NEMF: variants seen among roughly 807,000 people sequenced by gnomAD.
NEMF encodes the protein nuclear export mediator factor, also known as ribosome quality control complex subunit NEMF.
A neutral mutation model predicts 162.2 loss-of-function variants in NEMF; 89 were observed. The observed-to-expected ratio is 0.55, with a 90% CI of 0.46 to 0.65. NEMF has a LOEUF of 0.65. Ranked by LOEUF, NEMF falls within the 30% of genes least tolerant of loss-of-function variation. NEMF has a pLI of 0.00. For synonymous variants in NEMF, 421 were observed against 404.5 expected (o/e 1.04, Z -0.49); for missense variants, 1,133 against 1,261.9 (o/e 0.90, Z 1.55).
In NEMF at chr14:49,825,882, G is replaced by A. The variant is rs140163252; in HGVS notation, c.1562C>T (p.Ala521Val). ...EVQTVTSIQK[A>V]RKVYWFEKFL... ...GAACACTTACCAATATACTTTTCTT[G>A]CTTTTTGAATAGAGGTAACAGTCTG... Residue 521 changes from alanine to valine, a missense_variant, in exon 16 of 33, where the codon GCA becomes GTA. This residue lies in a region of NEMF where 582 missense variants were observed against 631.5 expected (regional missense o/e 0.92). Coordinates refer to ENST00000298310, the MANE Select transcript of NEMF (RefSeq NM_004713.6). The A allele has an allele frequency of 3.7e-6, 6 of 1,601,520 alleles. No homozygotes were observed. In the African/African-American group the frequency reaches 8.0e-5, roughly 21 times the overall value.
rs375232971 is a variant in NEMF at position 49,801,494 on chromosome 14, A to T, written c.2096-798T>A. ...AGACTGAGACTCCCTCTCGGGGGGA[A>T]AAAAAAAAAGAAAAGAATGTAAATA... is the stretch of plus-strand genomic sequence containing the variant. On this transcript the variant is annotated intron_variant, in intron 22 of 32. Transcript: ENST00000298310. 2.7e-4 allele frequency: 5 copies of T among 18,310 alleles called. No homozygotes were observed. In the Admixed American group the frequency reaches 3.2e-3, roughly 12 times the overall value. 1.1% of individuals were successfully genotyped at this position (18,310 alleles called of 1,614,324 possible).
Position 49,828,938 on chromosome 14 carries a change from T to C in NEMF, c.1232+116A>G, listed in dbSNP as rs916393525. On this transcript the variant is annotated intron_variant, in intron 13 of 32. Coordinates refer to ENST00000298310, the MANE Select transcript of NEMF (RefSeq NM_004713.6). ...CATTATTTATTTTAATCTAAATTAG[T>C]TTTTTCCCTTTCTTTGAGAATTTCA... The C allele has an allele frequency of 6.9e-6, 9 of 1,309,140 alleles. No individual in the cohort carries two copies. The African/African-American group carries it at 1.4e-4, about 20-fold the overall frequency. The allele number at this position is 1,309,140 out of a possible 1,614,324, so 81.1% of individuals were successfully genotyped here.
intron 5 of NEMF, chr14:49,839,423 G>C (rs1893083434): frequency 1.3e-5 from 2 of 152,192 alleles, no homozygotes; most frequent in Admixed American, 1.3e-4. Flanking sequence ...AAGTGAAGCA[G>C]TGGGAGTGGA....
At position 49,789,204 on chromosome 14, in the gene NEMF, A is replaced by G. The variant is rs1430643637; in HGVS notation, c.2837T>C (p.Leu946Pro). 1.1e-5 allele frequency: 17 copies of G among 1,614,024 alleles called. No homozygotes were observed. The highest frequency in any genetic ancestry group is 1.4e-5 in the Non-Finnish European group (16 of 1,179,998). The change falls in exon 28 of 33, where the codon CTT (leucine) becomes CCT (proline). Residue 946 changes from leucine (L) to proline (P), a missense_variant. By Grantham distance (98) the Leu-to-Pro change is moderately conservative (BLOSUM62 -3). Transcript: ENST00000298310. The part of the protein sequence containing the change: ...SDNIKKETPF[L>P]EVITHELQDF... The stretch of plus-strand genomic sequence containing the variant: ...TTGTAACTCATGAGTTATAACCTCA[A>G]GGAACGGAGTTTCTTTCTTAATGTT...
rs910039028 is a variant in NEMF at position 49,800,596 on chromosome 14, C to G, written c.2196G>C (p.Gln732His). 1.9e-6 allele frequency: 3 copies of G among 1,613,968 alleles called. No homozygotes were observed. The highest frequency in any genetic ancestry group is 1.7e-6 in the Non-Finnish European group (2 of 1,179,952). Residue 732 changes from glutamine to histidine, a missense_variant, in exon 23 of 33, where the codon CAG (glutamine) becomes CAC (histidine). By Grantham distance (24) the Gln-to-His change is conservative. Transcript: ENST00000298310. ...CCTCATTTAGTTCATCTCTGCCACT[C>G]TGAAGAGTGATATCCTCTTGGTCAA... ...TQVDQEDITL[Q>H]SGRDELNEEL...
At chr14:49,842,954 C>T (rs997882350) in intron 4 of NEMF, among the ~76,000 whole-genome samples, 21 of 150,340 alleles carry the variant, frequency 1.4e-4, no homozygotes, top group African/African-American at 4.9e-4. Context: ...TGCAGTGAGC[C>T]AAGATCACAC....
intron 4 of NEMF, among the ~76,000 whole-genome samples, chr14:49,843,982 C>T (rs371012940): frequency 1.5e-4 from 23 of 151,930 alleles, no homozygotes; most frequent in South Asian, 1.2e-3. Context: ...GCCAGTAATA[C>T]CAGCTACTCA....
Position 49,851,867 on chromosome 14 carries a change from C to A in NEMF, c.68G>T (p.Gly23Val). Residue 23 changes from glycine to valine, a missense_variant, in exon 2 of 33, where the codon GGA becomes GTA. Gly to Val is a moderately radical substitution (Grantham distance 109, BLOSUM62 -3). This residue lies in a region of NEMF where 582 missense variants were observed against 631.5 expected (regional missense o/e 0.92). Coordinates refer to ENST00000298310, the MANE Select transcript of NEMF (RefSeq NM_004713.6). The stretch of plus-strand genomic sequence containing the variant: ...ATCATAAACATTGTTTACTCTCATT[C>A]CTAGCAAGCTGCAAAGATAAAGGAA... ...VLAELNASLL[G>V]MRVNNVYDVD... is the part of the protein sequence containing the mutation. 1 of 1,576,582 alleles carries A rather than the reference C, an allele frequency of 6.3e-7. No individual in the cohort carries two copies. Among genetic ancestry groups the A allele is most frequent in the South Asian group, 1.2e-5 (1 of 86,870 alleles).
intron 25 of NEMF, 40 bp from the exon 26 acceptor site, chr14:49,795,984 T>A: frequency 1.9e-6 from 3 of 1,544,180 alleles, no homozygotes; most frequent in Non-Finnish European, 2.6e-6. Flanking sequence ...TTCTTAGAAT[T>A]TGAAATTCTT....
At chr14:49,828,378 A>C (rs775309230) in intron 14 of NEMF, 24 bp from the exon 15 acceptor site, 10 of 1,408,650 alleles carry the variant, frequency 7.1e-6, no homozygotes, top group Non-Finnish European at 9.9e-6. Flanking sequence ...TTTCTCTTAA[A>C]TTTTAAGTAT....
intron 16 of NEMF, among the ~76,000 whole-genome samples, chr14:49,817,920 A>C (rs1949639582): frequency 6.6e-6 from 1 of 152,180 alleles, no homozygotes; most frequent in Non-Finnish European, 1.5e-5. Context: ...TTGTTTTATG[A>C]GGCAATATGA....
intron 8 of NEMF, 62 bp downstream of exon 8, chr14:49,833,361 C>A (rs1382610673): frequency 3.1e-6 from 3 of 969,078 alleles, no homozygotes; most frequent in African/African-American, 3.3e-5. Flanking sequence ...CTTTAATGAA[C>A]GTTTAATTTC....
At chr14:49,787,362 A>T (rs1809845444) in intron 28 of NEMF, among the ~76,000 whole-genome samples, 1 of 152,226 alleles carries the variant, frequency 6.6e-6, no homozygotes, top group South Asian at 2.1e-4. Flanking sequence ...GCACCAGCAG[A>T]TTCAATGTCT....
chr14:49,834,328 A>G (rs1892791839), intron 7 of NEMF, 35 bp downstream of exon 7: 2 of 1,425,578 alleles, frequency 1.4e-6, no homozygotes, highest in Admixed American at 1.9e-5. Context: ...TTTAAAAAAA[A>G]TGAAATAAAT....
chr14:49,845,969 A>C (rs1047889864), intron 4 of NEMF, 171 bp downstream of exon 4: 2 of 566,888 alleles, frequency 3.5e-6, no homozygotes, highest in Non-Finnish European at 6.1e-6. Flanking sequence ...CTACAGATAA[A>C]ATGAAGGTTA....
Position 49,802,435 on chromosome 14 carries a change from T to A in NEMF, c.2095+18A>T. 1 of 1,609,794 alleles carries A rather than the reference T, an allele frequency of 6.2e-7. No homozygotes were observed. Among genetic ancestry groups the A allele is most frequent in the Middle Eastern group, 1.7e-4 (1 of 6,050 alleles). On this transcript the variant is annotated intron_variant, in intron 22 of 32. Coordinates refer to ENST00000298310, the MANE Select transcript of NEMF (RefSeq NM_004713.6). The stretch of plus-strand genomic sequence containing the variant: ...ACAAAAAACATCACAAGCTAATTTC[T>A]TAAAATCTATAAACTACCTAATTGT...
At chr14:49,785,598 A>G in intron 29 of NEMF, 1 of 351,178 alleles carries the variant, frequency 2.8e-6, no homozygotes, top group Non-Finnish European at 5.4e-6. Context: ...AAGAGAAAGA[A>G]GGCCCAGGAG....
At position 49,784,663 on chromosome 14, in the gene NEMF, G is replaced by C; in HGVS notation, c.3204C>G (p.Pro1068=). 6.2e-7 allele frequency: 1 copy of C among 1,611,058 alleles called. No individual in the cohort carries two copies. The highest frequency in any genetic ancestry group is 8.5e-7 in the Non-Finnish European group (1 of 1,178,570). The stretch of plus-strand genomic sequence containing the variant: ...ATTTCCTTTTTACGTTCAGAAGATT[G>C]GGTGCAGACACTTTCACTTTGCCAG... ...NIPGKVKVSA[P]NLLNVKRK The change falls in exon 33 of 33, where the codon CCC becomes CCG. Residue 1068 remains proline, a synonymous_variant. Coordinates refer to ENST00000298310, the MANE Select transcript of NEMF (RefSeq NM_004713.6).
intron 17 of NEMF, among the ~76,000 whole-genome samples, chr14:49,814,469 A>T (rs911453331): frequency 6.6e-5 from 10 of 152,242 alleles, no homozygotes; most frequent in Non-Finnish European, 1.5e-4. Flanking sequence ...GCTTTTAAAA[A>T]TTTGACCTAC....
Sources: allele counts gnomAD v4.1 joint callset (sites outside exome capture counted in the v4.1 genomes callset), GRCh38; gene constraint gnomAD v4.1.1; regional missense constraint gnomAD v4.1.1; transcripts MANE v1.5; gene names NCBI Gene and HGNC (gene_info 2026-07-23, HGNC 2026-07-21).